The following SCN11A variants were observed in gnomAD, a reference collection of about 807,000 sequenced individuals.
SCN11A encodes the protein sodium channel protein type 11 subunit alpha.
SCN11A carries 122 observed loss-of-function variants against 162.2 expected under a neutral mutation model. The ratio of observed to expected loss-of-function variants is 0.75; its 90% CI spans 0.65 to 0.87. SCN11A has a LOEUF of 0.87. SCN11A is among the 40% of genes least tolerant of loss of function. The pLI is 0.00. For synonymous variants in SCN11A, 758 were observed against 751.5 expected (o/e 1.01, Z -0.14); for missense variants, 2,015 against 2,181.6 (o/e 0.92, Z 1.52).
intron 7 of SCN11A, among the ~76,000 whole-genome samples, chr3:38,942,601 T>C (rs2066458232): frequency 6.6e-6 from 1 of 152,106 alleles, no homozygotes; most frequent in Non-Finnish European, 1.5e-5. Flanking sequence ...CTAAATGACA[T>C]ATGGGACAAA....
chr3:38,946,657 G>A (rs1161742413), intron 6 of SCN11A, 132 bp downstream of exon 6: 52 of 684,036 alleles, frequency 7.6e-5, no homozygotes, highest in Non-Finnish European at 5.4e-5. Flanking sequence ...GTCCCTGCCT[G>A]CAGCAGTAGG....
intron 2 of SCN11A, among the ~76,000 whole-genome samples, chr3:39,013,672 TCTAC>T (rs1457738497): frequency 6.6e-6 from 1 of 152,230 alleles, no homozygotes; most frequent in East Asian, 1.9e-4. Context: ...ACCTTATGCT[TCTAC>T]CTAACATAAA....
intron 28 of SCN11A, among the ~76,000 whole-genome samples, chr3:38,860,365 A>G (rs886919419): frequency 5.3e-5 from 8 of 152,126 alleles, no homozygotes; most frequent in Admixed American, 2.0e-4. Context: ...AGATAGAGAA[A>G]GAGGGAATCC....
intron 5 of SCN11A, among the ~76,000 whole-genome samples, chr3:38,948,580 C>T (rs572373285): frequency 2.6e-4 from 40 of 152,334 alleles, no homozygotes; most frequent in Non-Finnish European, 4.3e-4. Context: ...CCCAGCTAGG[C>T]TCTGGTTTCC....
chr3:38,892,579 T>A (rs1424172053), intron 19 of SCN11A, among the ~76,000 whole-genome samples: 1 of 152,162 alleles, frequency 6.6e-6, no homozygotes, highest in Non-Finnish European at 1.5e-5. Context: ...AAGAAGTTTA[T>A]TAAAATAAAT....
rs536099667 is a variant in SCN11A, at chr3:38,922,366, C to G, written c.713-1111G>C. Among the ~76,000 whole-genome samples, 89 of 152,312 alleles carry G rather than the reference C, an allele frequency of 5.8e-4. No homozygotes were observed. The South Asian group carries it at 0.018, about 30-fold the overall frequency. On this transcript the variant is annotated intron_variant, in intron 9 of 29. Transcript: ENST00000302328. The stretch of plus-strand genomic sequence containing the variant: ...ACCCAAGGCAGATTTTAATCTATAA[C>G]AAGAGGCTTCTCCAAAGCAAGAAAT...
rs147698159 is a variant in SCN11A at position 38,913,992 on chromosome 3, T to C, written c.960-3785A>G. On this transcript the variant is annotated intron_variant, in intron 11 of 29. Transcript: ENST00000302328. Reference sequence around the variant, plus strand: ...GTATTTGGGCTCTTTCTTGATTCCATATAAATTTTAAAACAGCATTTTTTA... The same window carrying C: ...GTATTTGGGCTCTTTCTTGATTCCACATAAATTTTAAAACAGCATTTTTTA... Among the ~76,000 whole-genome samples the C allele has an allele frequency of 4.7e-3, 717 of 152,316 alleles. 2 individuals are homozygous for C. Among genetic ancestry groups the C allele is most frequent in the Middle Eastern group, 6.8e-3 (2 of 294 alleles).
intron 7 of SCN11A, among the ~76,000 whole-genome samples, chr3:38,929,135 G>GCA (rs748169973): frequency 0.14 from 9,510 of 66,510 alleles, 366 homozygotes; most frequent in Middle Eastern, 0.26. Flanking sequence ...GTCTGTGCAC[G>GCA]CACACACACA....
intron 7 of SCN11A, among the ~76,000 whole-genome samples, chr3:38,943,578 T>G (rs747415218): frequency 7.9e-5 from 12 of 152,190 alleles, no homozygotes; most frequent in Non-Finnish European, 1.8e-4. Flanking sequence ...AATTCATATG[T>G]CTGAAAAGCC....
intron 2 of SCN11A, among the ~76,000 whole-genome samples, chr3:38,987,215 C>G (rs534344944): frequency 6.6e-6 from 1 of 151,628 alleles, no homozygotes; most frequent in Non-Finnish European, 1.5e-5. Flanking sequence ...CTCTTTTCAT[C>G]GCTCCTTTCT....
intron 8 of SCN11A, 35 bp downstream of exon 8, chr3:38,926,768 C>G (rs777008762): frequency 6.2e-7 from 1 of 1,606,510 alleles, no homozygotes. Flanking sequence ...CTTTCCCACT[C>G]CAAGTCTCTT....
At chr3:38,996,083 A>G (rs1221801089) in intron 2 of SCN11A, among the ~76,000 whole-genome samples, 1 of 152,186 alleles carries the variant, frequency 6.6e-6, no homozygotes, top group African/African-American at 2.4e-5. Context: ...CAAGATAGGA[A>G]GAGGGCCCTC....
chr3:38,875,850 G>GA (rs1462072961), intron 23 of SCN11A, among the ~76,000 whole-genome samples: 3 of 151,782 alleles, frequency 2.0e-5, no homozygotes, highest in Non-Finnish European at 4.4e-5. Context: ...CACAGAACTA[G>GA]AAAAAACAAT....
intron 4 of SCN11A, among the ~76,000 whole-genome samples, chr3:38,951,979 T>G (rs2066627036): frequency 6.6e-6 from 1 of 152,094 alleles, no homozygotes; most frequent in Admixed American, 6.5e-5. Context: ...CTGTGGAAGC[T>G]TTGTTCTTTT....
intron 11 of SCN11A, among the ~76,000 whole-genome samples, chr3:38,914,611 T>C (rs1324582271): frequency 6.6e-6 from 1 of 152,198 alleles, no homozygotes; most frequent in Non-Finnish European, 1.5e-5. Flanking sequence ...CAGTATGATG[T>C]TGGCTGTAGG....
At chr3:39,018,793 G>A (rs527483580) in intron 2 of SCN11A, among the ~76,000 whole-genome samples, 166 of 152,248 alleles carry the variant, frequency 1.1e-3, no homozygotes, top group Non-Finnish European at 2.2e-3. Flanking sequence ...ACTCCAGCCT[G>A]GGTGACAGAG....
Position 38,894,733 on chromosome 3 carries a change from C to A in SCN11A, c.2635G>T (p.Asp879Tyr). Residue 879 changes from aspartate to tyrosine, a missense_variant, in exon 19 of 30, where the codon GAC becomes TAC. Physicochemically the swap from Asp to Tyr is radical, Grantham distance 160. Transcript: ENST00000302328. ...VAGGCAAQSK[D>Y]IIPLVMEMKR... ...ATCTCCATGACCAGGGGAATGATGT[C>A]TTTGCTTTGTGCAGCACAGCCTCCT... 6.2e-7 allele frequency: 1 copy of A among 1,614,184 alleles called. No individual in the cohort carries two copies. Among genetic ancestry groups the A allele is most frequent in the Non-Finnish European group, 8.5e-7 (1 of 1,180,026 alleles).
At chr3:38,932,611 G>A (rs1017289376) in intron 7 of SCN11A, among the ~76,000 whole-genome samples, 3 of 152,124 alleles carry the variant, frequency 2.0e-5, no homozygotes, top group Admixed American at 6.5e-5. Flanking sequence ...ACGGAGTCTC[G>A]CTGATTGCTA....
At chr3:38,853,773 A>C (rs975646686) in intron 28 of SCN11A, among the ~76,000 whole-genome samples, 4 of 152,166 alleles carry the variant, frequency 2.6e-5, no homozygotes, top group Non-Finnish European at 5.9e-5. Context: ...GCTTTCCCTG[A>C]CTTTTCAGCC....
Sources: allele counts gnomAD v4.1 joint callset (sites outside exome capture counted in the v4.1 genomes callset), GRCh38; gene constraint gnomAD v4.1.1; transcripts MANE v1.5; gene names NCBI Gene and HGNC (gene_info 2026-07-23, HGNC 2026-07-21).